MPRIP: variants seen among roughly 807,000 people sequenced by gnomAD.
The protein encoded by MPRIP is myosin phosphatase Rho-interacting protein.
A neutral mutation model predicts 234.9 loss-of-function variants in MPRIP; 59 were observed. The ratio of observed to expected loss-of-function variants is 0.25; its 90% CI spans 0.20 to 0.31. The LOEUF (loss-of-function observed/expected upper bound fraction) is 0.31, where lower values mean the gene tolerates loss of function less well. Among genes scored for constraint, MPRIP ranks in the 10% least tolerant of loss-of-function variants. The pLI, the probability that MPRIP is intolerant of heterozygous loss-of-function variation, is 1.00. For missense variants in MPRIP, 2,436 were observed against 3,071.0 expected (o/e 0.79, Z 4.89); for synonymous variants, 1,144 against 1,263.9 (o/e 0.91, Z 2.01).
chr17:17,067,684 TA>T (rs2089075498), intron 1 of MPRIP, among the ~76,000 whole-genome samples: 1 of 152,146 alleles, frequency 6.6e-6, no homozygotes, highest in Non-Finnish European at 1.5e-5. Context: ...ATTTCATTTT[TA>T]AAAAATTTTG....
chr17:17,174,058 C>G lies in MPRIP; in HGVS notation c.6733C>G (p.Leu2245Val). 1 of 1,613,370 alleles carries G rather than the reference C, an allele frequency of 6.2e-7. No homozygotes were observed. The highest frequency in any genetic ancestry group is 8.5e-7 in the Non-Finnish European group (1 of 1,179,964). Reference sequence around the variant, plus strand: ...GCAGTGCCAGCGTGAGAACCAGGAGCTCAATGCCCACAACCAGGTGAGCCT... The same window carrying G: ...GCAGTGCCAGCGTGAGAACCAGGAGGTCAATGCCCACAACCAGGTGAGCCT... ...LRQCQRENQE[L>V]NAHNQELNNR... is the part of the protein sequence containing the mutation. Residue 2245 changes from leucine (L) to valine (V), a missense_variant, in exon 19 of 24, where the codon CTC becomes GTC. Coordinates refer to ENST00000651222, the MANE Select transcript of MPRIP (RefSeq NM_001364716.4).
intron 3 of MPRIP, among the ~76,000 whole-genome samples, chr17:17,088,225 C>T (rs868253722): frequency 2.6e-5 from 4 of 152,174 alleles, no homozygotes; most frequent in Non-Finnish European, 5.9e-5. Flanking sequence ...GCCCACACCC[C>T]GCACTGGGGA....
chr17:17,090,421 A>G (rs1238242657), intron 3 of MPRIP, among the ~76,000 whole-genome samples: 2 of 152,176 alleles, frequency 1.3e-5, no homozygotes, highest in East Asian at 3.9e-4. Context: ...CACAAAGTCT[A>G]ATAAGCAGTG....
rs141294136 is a variant in MPRIP at position 17,060,462 on chromosome 17, G to A, written c.124-15248G>A. Among the ~76,000 whole-genome samples the A allele has an allele frequency of 2.2e-3, 342 of 152,326 alleles. 1 individual carries two copies. The highest frequency in any genetic ancestry group is 0.017 in the Middle Eastern group (5 of 294). On this transcript the variant is annotated intron_variant, in intron 1 of 23. Coordinates refer to ENST00000651222, the MANE Select transcript of MPRIP (RefSeq NM_001364716.4). ...GCCAGGGCCAGTGTGGAACCAGGTG[G>A]CCTTGGTGCCTGTTTTGCTTCCACT...
chr17:17,172,863 G>T, intron 18 of MPRIP, 48 bp downstream of exon 18: 2 of 1,522,060 alleles, frequency 1.3e-6, no homozygotes, highest in Non-Finnish European at 1.8e-6. Context: ...CCCCTCTGGG[G>T]TGCTGACCAG....
chr17:17,123,220 A>G (rs550363529), intron 3 of MPRIP, among the ~76,000 whole-genome samples: 41 of 152,268 alleles, frequency 2.7e-4, no homozygotes, highest in Non-Finnish European at 4.9e-4. Flanking sequence ...TGTCAAAGGG[A>G]AGTGACTGCG....
At chr17:17,059,845 C>T (rs1001840214) in intron 1 of MPRIP, among the ~76,000 whole-genome samples, 10 of 152,130 alleles carry the variant, frequency 6.6e-5, no homozygotes, top group South Asian at 2.1e-4. Context: ...TGCAGGGTCC[C>T]GGGTGGGCAT....
chr17:17,180,184 T>A (rs532857895), intron 23 of MPRIP, 96 bp downstream of exon 23: 28 of 1,054,274 alleles, frequency 2.7e-5, no homozygotes, highest in Non-Finnish European at 3.9e-5. Flanking sequence ...GGGCCACAGC[T>A]GCCAAAGCCC....
rs1597464828 is a variant in MPRIP, at chr17:17,150,222, T to A, written c.1708T>A (p.Phe570Ile). ...GTATCCAGTTCAGAGAAACTATGGC[T>A]TCCAGATACATGTGAGTCCAGGGAT... The part of the protein sequence containing the change: ...TEYPVQRNYG[F>I]QIHTKEGEFT... Residue 570 changes from phenylalanine to isoleucine, a missense_variant, in exon 12 of 24, where the codon TTC (phenylalanine) becomes ATC (isoleucine). Transcript: ENST00000651222. 1 of 1,612,048 alleles carries A rather than the reference T, an allele frequency of 6.2e-7. No individual in the cohort carries two copies. Among genetic ancestry groups the A allele is most frequent in the South Asian group, 1.1e-5 (1 of 91,000 alleles).
At chr17:17,169,207 A>G (rs2046076622) in intron 16 of MPRIP, 1 of 357,382 alleles carries the variant, frequency 2.8e-6, no homozygotes, top group Non-Finnish European at 5.6e-6. Flanking sequence ...CAAGAGCAGC[A>G]CTGAGATGGG....
intron 10 of MPRIP, among the ~76,000 whole-genome samples, chr17:17,146,556 C>G (rs1416016111): frequency 6.6e-6 from 1 of 152,226 alleles, no homozygotes; most frequent in South Asian, 2.1e-4. Flanking sequence ...AGTGTTAGCC[C>G]TGGAAGGAGC....
chr17:17,096,345 C>G, intron 3 of MPRIP, among the ~76,000 whole-genome samples: 1 of 139,324 alleles, frequency 7.2e-6, no homozygotes, highest in African/African-American at 2.7e-5. Context: ...GTGTGTGTCT[C>G]AGAGTCAATG....
At chr17:17,160,314 T>C (rs1326591473) in intron 14 of MPRIP, among the ~76,000 whole-genome samples, 1 of 152,098 alleles carries the variant, frequency 6.6e-6, no homozygotes, top group East Asian at 1.9e-4. Flanking sequence ...TGCAGTGACC[T>C]GAGATCGCAC....
chr17:17,146,192 C>T (rs934149945), intron 10 of MPRIP, 100 bp downstream of exon 10: 29 of 1,041,412 alleles, frequency 2.8e-5, no homozygotes, highest in Non-Finnish European at 3.8e-5. Flanking sequence ...GGCTCCATGC[C>T]TTCCTCCTCC....
At chr17:17,179,689 T>G in intron 22 of MPRIP, 2 of 261,714 alleles carry the variant, frequency 7.6e-6, no homozygotes, top group East Asian at 1.3e-4. Context: ...CTGCTCAGCA[T>G]TGAGGTCCCA....
At chr17:17,155,216 G>A (rs2045700025) in intron 13 of MPRIP, among the ~76,000 whole-genome samples, 1 of 152,008 alleles carries the variant, frequency 6.6e-6, no homozygotes, top group African/African-American at 2.4e-5. Flanking sequence ...CAATGTCACA[G>A]CGGGGGCTGT....
rs746645606 is a variant in MPRIP at position 17,158,922 on chromosome 17, A to C, written c.2320A>C (p.Ile774Leu). ...TCTCCGGGAAGAGAAGCAGGTGCCC[A>C]TCGCCCCCGTCCACCTGTCTTCTGA... ...TPLREEKQVP[I>L]APVHLSSEDG... The change falls in exon 14 of 24, where the codon ATC (isoleucine) becomes CTC (leucine). Residue 774 changes from isoleucine to leucine, a missense_variant. Ile to Leu is a conservative substitution (Grantham distance 5, BLOSUM62 2). Transcript: ENST00000651222. The C allele has an allele frequency of 2.5e-6, 4 of 1,612,600 alleles. No individual in the cohort carries two copies. The highest frequency in any genetic ancestry group is 3.4e-6 in the Non-Finnish European group (4 of 1,179,992).
At chr17:17,056,825 A>G (rs1378901953) in intron 1 of MPRIP, among the ~76,000 whole-genome samples, 3 of 151,910 alleles carry the variant, frequency 2.0e-5, no homozygotes, top group Non-Finnish European at 2.9e-5. Flanking sequence ...TTGTGCCTCA[A>G]TGGATTTACC....
At chr17:17,112,974 C>A (rs1423392869) in intron 3 of MPRIP, among the ~76,000 whole-genome samples, 3 of 152,222 alleles carry the variant, frequency 2.0e-5, no homozygotes, top group Admixed American at 6.5e-5. Context: ...TCCCAGCGGT[C>A]CTCCGAGCTC....
Sources: allele counts gnomAD v4.1 joint callset (sites outside exome capture counted in the v4.1 genomes callset), GRCh38; gene constraint gnomAD v4.1.1; transcripts MANE v1.5; gene names NCBI Gene and HGNC (gene_info 2026-07-23, HGNC 2026-07-21).